Variants in KIF7 observed in about 807,000 individuals in gnomAD.
The protein encoded by KIF7 is kinesin family member 7.
Under a neutral mutation model 135.7 loss-of-function variants are expected in KIF7, and 104 were observed. The ratio of observed to expected loss-of-function variants is 0.77; its 90% CI spans 0.65 to 0.90. The LOEUF is 0.90. KIF7 is among the 40% of genes least tolerant of loss of function. The pLI is 0.00. For missense variants in KIF7, 2,005 were observed against 1,839.1 expected (o/e 1.09, Z -1.65); for synonymous variants, 883 against 809.4 (o/e 1.09, Z -1.54).
chr15:89,634,609 G>A (rs558976313), intron 11 of KIF7, among the ~76,000 whole-genome samples: 40 of 152,350 alleles, frequency 2.6e-4, no homozygotes, highest in African/African-American at 8.7e-4. Context: ...AGAATACTGC[G>A]CTTTTCCGAT....
rs1964040333 is a variant in KIF7 at position 89,647,683 on chromosome 15, G to GGTCAGCAGCT, written c.1463_1472dup (p.Leu492AlafsTer38). 6.2e-7 allele frequency: 1 copy of GGTCAGCAGCT among 1,601,328 alleles called. No individual in the cohort carries two copies. The highest frequency in any genetic ancestry group is 8.5e-7 in the Non-Finnish European group (1 of 1,175,764). On this transcript the variant is annotated frameshift_variant, in exon 6 of 19. Transcript: ENST00000394412. LOFTEE classifies it high-confidence loss of function. ...CCAGCCGCGCCACCTGGTTCTGCAG[G>GGTCAGCAGCT]GTCAGCAGCTGCTGCGCCCCCTCAT...
intron 10 of KIF7, among the ~76,000 whole-genome samples, chr15:89,643,782 G>A (rs1323359423): frequency 6.6e-6 from 1 of 151,760 alleles, no homozygotes; most frequent in African/African-American, 2.4e-5. Context: ...CTACTCGAGA[G>A]GCTGAAGCAG....
chr15:89,622,395 C>T (rs932185534), intron 1 of KIF7, among the ~76,000 whole-genome samples: 4 of 152,182 alleles, frequency 2.6e-5, no homozygotes, highest in Non-Finnish European at 4.4e-5. Context: ...AAGGGAAATC[C>T]TCCACCCAGA....
intron 11 of KIF7, among the ~76,000 whole-genome samples, chr15:89,640,837 A>G (rs1963905629): frequency 6.6e-6 from 1 of 151,632 alleles, no homozygotes; most frequent in Non-Finnish European, 1.5e-5. Flanking sequence ...AAAAAAAAAA[A>G]AAAAGAAAAA....
At chr15:89,645,252 G>A in intron 9 of KIF7, 84 bp downstream of exon 9, 11 of 1,596,264 alleles carry the variant, frequency 6.9e-6, no homozygotes, top group South Asian at 1.1e-5. Flanking sequence ...CAGGGATGGT[G>A]GGTGGGACTG....
intron 11 of KIF7, among the ~76,000 whole-genome samples, chr15:89,634,639 C>T (rs1963763762): frequency 2.0e-5 from 3 of 152,244 alleles, no homozygotes; most frequent in South Asian, 2.1e-4. Flanking sequence ...AAAGGCACAC[C>T]AGGAGATTAT....
downstream of KIF7, chr15:89,624,219 C>G (rs1249087530): frequency 9.9e-6 from 16 of 1,614,150 alleles, no homozygotes; most frequent in Non-Finnish European, 1.4e-5. Flanking sequence ...TGACTTCTTC[C>G]CCACCTGTTA....
At chr15:89,640,212 C>A (rs1963892827) in intron 11 of KIF7, among the ~76,000 whole-genome samples, 1 of 151,966 alleles carries the variant, frequency 6.6e-6, no homozygotes, top group Admixed American at 6.6e-5. Context: ...TTAGTGGGTG[C>A]AGCGCACCAG....
At chr15:89,625,278 C>A, downstream of KIF7, 1 of 1,613,966 alleles carries the variant, frequency 6.2e-7, no homozygotes, top group Non-Finnish European at 8.5e-7. Flanking sequence ...CTTCTAGTAC[C>A]CCCTCTCCAT....
At chr15:89,625,669 G>C, downstream of KIF7, 3 of 1,613,774 alleles carry the variant, frequency 1.9e-6, no homozygotes, top group Non-Finnish European at 2.5e-6. Flanking sequence ...TGACCGTGGA[G>C]CCAAAAGGAT....
At chr15:89,643,906 A>G (rs915898650) in intron 10 of KIF7, among the ~76,000 whole-genome samples, 2 of 139,386 alleles carry the variant, frequency 1.4e-5, no homozygotes, top group African/African-American at 5.3e-5. Flanking sequence ...AAAAAAAAAG[A>G]GGACATTAGT....
chr15:89,630,580 C>A (rs1274950966), intron 15 of KIF7, 87 bp from the exon 16 acceptor site: 2 of 1,135,584 alleles, frequency 1.8e-6, no homozygotes, highest in Non-Finnish European at 1.3e-6. Context: ...AACACGTAGC[C>A]ACAACTGGGC....
At chr15:89,625,707 T>A (rs758269362), downstream of KIF7, 1 of 1,613,402 alleles carries the variant, frequency 6.2e-7, no homozygotes, top group Admixed American at 1.7e-5. Flanking sequence ...ATTCAGAAGT[T>A]AGTAAGAGTA....
At chr15:89,644,026 T>C (rs1483506927) in intron 10 of KIF7, among the ~76,000 whole-genome samples, 4 of 150,596 alleles carry the variant, frequency 2.7e-5, no homozygotes, top group Non-Finnish European at 5.9e-5. Context: ...AAGTCTGGCA[T>C]GTCCTTCAAA....
Position 89,648,280 on chromosome 15 carries a change from G to T in KIF7, c.1418C>A (p.Ala473Glu), listed in dbSNP as rs794727744. The T allele has an allele frequency of 6.6e-7, 1 of 1,520,414 alleles. No homozygotes were observed. The highest frequency in any genetic ancestry group is 8.8e-7 in the Non-Finnish European group (1 of 1,137,990). The allele number at this position is 1,520,414 out of a possible 1,614,324, so 94.2% of individuals were successfully genotyped here. A position where few individuals can be genotyped will look rare whatever the true frequency, so the allele number is the denominator to read the frequency against. Residue 473 changes from alanine (A) to glutamate (E), a missense_variant, in exon 5 of 19, where the codon GCG (alanine) becomes GAG (glutamate). Physicochemically the swap from Ala to Glu is moderately radical, Grantham distance 107. Coordinates refer to ENST00000394412, the MANE Select transcript of KIF7 (RefSeq NM_198525.3). ...GIESASVEDQ[A>E]AQGAGGRKED... ...CTTTCGCCCGCCGGCCCCCTGCGCC[G>T]CCTGGTCCTCGACGGAGGCGCTCTC... is the stretch of plus-strand genomic sequence containing the variant.
chr15:89,647,499 C>G, intron 6 of KIF7, 97 bp downstream of exon 6: 2 of 1,085,968 alleles, frequency 1.8e-6, no homozygotes, highest in Non-Finnish European at 2.8e-6. Flanking sequence ...CCCGCAGTAC[C>G]CTACCCTAAC....
At chr15:89,637,385 C>A (rs1485124204) in intron 11 of KIF7, among the ~76,000 whole-genome samples, 4 of 151,340 alleles carry the variant, frequency 2.6e-5, no homozygotes, top group South Asian at 2.1e-4. Context: ...ATTAATGAAT[C>A]CAGGAGCTGG....
downstream of KIF7, chr15:89,624,959 CCA>C (rs760884613): frequency 1.2e-5 from 20 of 1,614,128 alleles, no homozygotes; most frequent in East Asian, 4.5e-5. Context: ...GCTTGGCATT[CCA>C]CAGACTCTGC....
At chr15:89,635,539 T>G (rs557916984) in intron 11 of KIF7, among the ~76,000 whole-genome samples, 5 of 152,136 alleles carry the variant, frequency 3.3e-5, no homozygotes, top group African/African-American at 9.7e-5. Context: ...TGCAGAAGCC[T>G]CAGGAGCTGA....
Sources: gnomAD v4.1 joint callset for allele counts (sites outside exome capture counted in the v4.1 genomes callset) on GRCh38, gnomAD v4.1.1 for gene constraint, MANE v1.5 for transcripts, NCBI Gene and HGNC (gene_info 2026-07-23, HGNC 2026-07-21) for gene names.